Variants in PKNOX2 observed in about 807,000 individuals in gnomAD.
The protein encoded by PKNOX2 is PBX/knotted 1 homeobox 2.
PKNOX2 carries 14 observed loss-of-function variants against 53.1 expected under a neutral mutation model. The ratio of observed to expected loss-of-function variants is 0.26; its 90% CI spans 0.17 to 0.41. The LOEUF (loss-of-function observed/expected upper bound fraction) is 0.41, where lower values mean the gene tolerates loss of function less well. Among genes scored for constraint, PKNOX2 ranks in the 10% least tolerant of loss-of-function variants. The pLI is 1.00. For missense variants in PKNOX2, 496 were observed against 602.8 expected (o/e 0.82, Z 1.85); for synonymous variants, 257 against 242.8 (o/e 1.06, Z -0.54).
chr11:125,250,591 G>A (rs968491631), intron 2 of PKNOX2, among the ~76,000 whole-genome samples: 1 of 152,182 alleles, frequency 6.6e-6, no homozygotes, highest in Non-Finnish European at 1.5e-5. Context: ...ACCACTCCCT[G>A]GGGAAAACAG....
At chr11:125,392,255 G>A (rs560469149) in intron 6 of PKNOX2, among the ~76,000 whole-genome samples, 3 of 152,136 alleles carry the variant, frequency 2.0e-5, no homozygotes, top group Non-Finnish European at 2.9e-5. Context: ...CATTTTACAC[G>A]TAAAGAGACT....
At position 125,213,708 on chromosome 11, in the gene PKNOX2, A is replaced by G. The variant is rs538954002; in HGVS notation, c.-200-21337A>G. ...CTTGGGCTCAAGTGATCTGCCCGCC[A>G]TGGCCTCCCAAAGTGCTGGGATTAC... On this transcript the variant is annotated intron_variant, in intron 1 of 12. Transcript: ENST00000298282. Among the ~76,000 whole-genome samples, 5 of 152,182 alleles carry G rather than the reference A, an allele frequency of 3.3e-5. No homozygotes were observed. In the South Asian group the frequency reaches 1.0e-3, roughly 32 times the overall value.
chr11:125,246,569 C>A (rs1000371527), intron 2 of PKNOX2, among the ~76,000 whole-genome samples: 1 of 152,170 alleles, frequency 6.6e-6, no homozygotes, highest in African/African-American at 2.4e-5. Context: ...GAAGATGGTA[C>A]AATGGAGGGA....
At chr11:125,363,787 CTA>C (rs1297076063) in intron 4 of PKNOX2, among the ~76,000 whole-genome samples, 3 of 151,124 alleles carry the variant, frequency 2.0e-5, no homozygotes, top group South Asian at 2.1e-4. Flanking sequence ...TGGAAGAAAG[CTA>C]CTTGGGGAAA....
intron 10 of PKNOX2, among the ~76,000 whole-genome samples, chr11:125,417,668 T>C (rs1258346418): frequency 2.6e-5 from 4 of 152,012 alleles, no homozygotes; most frequent in Non-Finnish European, 5.9e-5. Context: ...TTGGCTCCCA[T>C]GCAAAGTCTG....
At chr11:125,386,019 A>T (rs1953607052) in intron 6 of PKNOX2, among the ~76,000 whole-genome samples, 1 of 152,220 alleles carries the variant, frequency 6.6e-6, no homozygotes, top group African/African-American at 2.4e-5. Flanking sequence ...GGGTCATAAC[A>T]GCCAGAACAT....
intron 5 of PKNOX2, among the ~76,000 whole-genome samples, chr11:125,383,655 T>C (rs840028): frequency 0.75 from 114,189 of 151,978 alleles, 44,156 homozygotes; most frequent in African/African-American, 0.92. Flanking sequence ...AGTATGGTAG[T>C]CACTAGCCAC....
Position 125,404,262 on chromosome 11 carries a change from C to T in PKNOX2, c.589-5934C>T, listed in dbSNP as rs574638679. On this transcript the variant is annotated intron_variant, in intron 7 of 12. Transcript: ENST00000298282. ...GGTTCCTCACCCCCAGCCCTGCAGCCGTGGAGCCCAGAGACCAGAGGGTGG... is the reference window on the plus strand; with the variant it reads ...GGTTCCTCACCCCCAGCCCTGCAGCTGTGGAGCCCAGAGACCAGAGGGTGG... Among the ~76,000 whole-genome samples, 3 of 152,354 alleles carry T rather than the reference C, an allele frequency of 2.0e-5. No homozygotes were observed. In the South Asian group the frequency reaches 6.2e-4, roughly 32 times the overall value.
intron 2 of PKNOX2, among the ~76,000 whole-genome samples, chr11:125,284,662 G>C (rs1006312931): frequency 6.6e-6 from 1 of 152,148 alleles, no homozygotes; most frequent in African/African-American, 2.4e-5. Context: ...TGAGTATCCA[G>C]GCTACCGAGT....
chr11:125,191,729 A>C (rs1285081654), intron 1 of PKNOX2, among the ~76,000 whole-genome samples: 1 of 152,072 alleles, frequency 6.6e-6, no homozygotes, highest in Non-Finnish European at 1.5e-5. Context: ...GGACATTGGA[A>C]ATGCCTTCTC....
At chr11:125,257,797 C>T (rs1329204947) in intron 2 of PKNOX2, among the ~76,000 whole-genome samples, 1 of 152,218 alleles carries the variant, frequency 6.6e-6, no homozygotes, top group African/African-American at 2.4e-5. Flanking sequence ...TTTTCTGCCC[C>T]TCTGAAGCTT....
chr11:125,257,007 G>GTT (rs71042484), intron 2 of PKNOX2, among the ~76,000 whole-genome samples: 53 of 146,264 alleles, frequency 3.6e-4, no homozygotes, highest in Non-Finnish European at 4.7e-4. Flanking sequence ...TCTGTGTAGG[G>GTT]TTTTTTTTTT....
intron 2 of PKNOX2, among the ~76,000 whole-genome samples, chr11:125,255,699 A>G (rs1944358544): frequency 6.8e-6 from 1 of 147,494 alleles, no homozygotes; most frequent in African/African-American, 2.5e-5. Context: ...AGAGAGTAAC[A>G]GGGTGGTTGT....
chr11:125,350,500 G>T (rs1000174239), intron 3 of PKNOX2, among the ~76,000 whole-genome samples: 2 of 151,254 alleles, frequency 1.3e-5, no homozygotes, highest in Non-Finnish European at 3.0e-5. Flanking sequence ...TAGACCATTT[G>T]GCTCTGATAG....
intron 2 of PKNOX2, among the ~76,000 whole-genome samples, chr11:125,302,574 C>T (rs1251101364): frequency 6.6e-6 from 1 of 152,190 alleles, no homozygotes; most frequent in Non-Finnish European, 1.5e-5. Context: ...CTGGTGGGGC[C>T]ATGCAGCCAA....
intron 2 of PKNOX2, among the ~76,000 whole-genome samples, chr11:125,241,343 C>G (rs747332175): frequency 1.3e-5 from 2 of 152,156 alleles, no homozygotes; most frequent in Non-Finnish European, 2.9e-5. Flanking sequence ...TCAGCCTGGG[C>G]GGCCCTTGCT....
intron 1 of PKNOX2, among the ~76,000 whole-genome samples, chr11:125,230,553 G>T (rs2135547303): frequency 6.6e-6 from 1 of 152,276 alleles, no homozygotes; most frequent in African/African-American, 2.4e-5. Flanking sequence ...TTGGCTTATA[G>T]GCCTACAGAG....
intron 4 of PKNOX2, among the ~76,000 whole-genome samples, chr11:125,351,987 G>A (rs560060720): frequency 1.1e-4 from 17 of 151,550 alleles, no homozygotes; most frequent in Admixed American, 5.3e-4. Flanking sequence ...AGACACAGCC[G>A]CCCCCCAAGA....
intron 6 of PKNOX2, among the ~76,000 whole-genome samples, chr11:125,386,308 C>T (rs528108005): frequency 1.3e-5 from 2 of 152,252 alleles, no homozygotes; most frequent in East Asian, 3.9e-4. Flanking sequence ...TAGGCCACAC[C>T]GCCTGGGAAT....
Sources: allele counts gnomAD v4.1 joint callset (sites outside exome capture counted in the v4.1 genomes callset), GRCh38; gene constraint gnomAD v4.1.1; transcripts MANE v1.5; gene names NCBI Gene and HGNC (gene_info 2026-07-23, HGNC 2026-07-21).